Variants in CHN2 observed in about 807,000 individuals in gnomAD.
The protein encoded by CHN2 is chimerin 2, also known as beta-chimaerin.
A neutral mutation model predicts 56.3 loss-of-function variants in CHN2; 35 were observed. That is an observed-to-expected ratio of 0.62 (90% CI 0.47 to 0.82). The LOEUF (loss-of-function observed/expected upper bound fraction) is 0.82. Ranked by LOEUF, CHN2 falls within the 40% of genes least tolerant of loss-of-function variation. CHN2 has a pLI of 0.00. For synonymous variants in CHN2, 210 were observed against 212.8 expected, an observed-to-expected ratio of 0.99 and a Z score of 0.12; for missense variants, 491 against 580.5, an observed-to-expected ratio of 0.85 and a Z score of 1.58.
chr7:29,387,203 C>A (rs991792928), intron 3 of CHN2, among the ~76,000 whole-genome samples: 4 of 116,144 alleles, frequency 3.4e-5, no homozygotes, highest in African/African-American at 1.4e-4. Context: ...GAACCTATTG[C>A]CACGATGGTC....
intron 3 of CHN2, among the ~76,000 whole-genome samples, chr7:29,374,352 T>C (rs528033951): frequency 1.3e-5 from 2 of 152,258 alleles, no homozygotes; most frequent in East Asian, 1.9e-4. Context: ...TTTTGACATA[T>C]GAATTTTTTT....
chr7:29,272,079 TC>T (rs1211390578), intron 1 of CHN2, among the ~76,000 whole-genome samples: 1 of 152,136 alleles, frequency 6.6e-6, no homozygotes, highest in Non-Finnish European at 1.5e-5. Flanking sequence ...ATGTGGCTCT[TC>T]CTGTGGCTTT....
intron 1 of CHN2, among the ~76,000 whole-genome samples, chr7:29,210,245 A>G (rs563831407): frequency 6.6e-6 from 1 of 152,236 alleles, no homozygotes; most frequent in East Asian, 1.9e-4. Context: ...CATTTGTTCC[A>G]GGCACCCAGC....
chr7:29,194,387 AC>A (rs1241109266), upstream of CHN2: 4 of 150,116 alleles, frequency 2.7e-5, no homozygotes, highest in South Asian at 2.1e-4. Context: ...CAGCCGAACC[AC>A]CCCCCGAGCG....
At chr7:29,347,590 A>G (rs1280911255) in intron 1 of CHN2, among the ~76,000 whole-genome samples, 1 of 152,184 alleles carries the variant, frequency 6.6e-6, no homozygotes, top group East Asian at 1.9e-4. Flanking sequence ...TCATCAGAAC[A>G]GCATGGGGGA....
intron 1 of CHN2, chr7:29,212,832 A>G (rs2075726259): frequency 1.2e-6 from 2 of 1,607,632 alleles, no homozygotes; most frequent in Non-Finnish European, 1.7e-6. Flanking sequence ...CCCAGCCACT[A>G]CTCTTCCTAC....
chr7:29,415,876 G>A (rs889095143), intron 6 of CHN2, among the ~76,000 whole-genome samples: 5 of 152,108 alleles, frequency 3.3e-5, no homozygotes, highest in Non-Finnish European at 5.9e-5. Context: ...TTAAAAGCCC[G>A]CCTTTTCCAT....
At chr7:29,229,832 G>A (rs929786917) in intron 1 of CHN2, among the ~76,000 whole-genome samples, 7 of 152,034 alleles carry the variant, frequency 4.6e-5, no homozygotes, top group African/African-American at 1.7e-4. Context: ...CAAAAATTAG[G>A]TGGGCATGGT....
chr7:29,252,074 A>C (rs1788563988), intron 1 of CHN2, among the ~76,000 whole-genome samples: 1 of 152,152 alleles, frequency 6.6e-6, no homozygotes, highest in Non-Finnish European at 1.5e-5. Flanking sequence ...CCACTGTGGC[A>C]AGTTGAATAA....
At chr7:29,509,533 C>T in intron 12 of CHN2, 127 bp downstream of exon 12, 2 of 678,994 alleles carry the variant, frequency 2.9e-6, no homozygotes, top group Admixed American at 4.6e-5. Flanking sequence ...CCACTCCAGG[C>T]ACTTTCAGTG....
chr7:29,374,990 C>T (rs1162853899), intron 3 of CHN2, among the ~76,000 whole-genome samples: 4 of 150,750 alleles, frequency 2.7e-5, no homozygotes, highest in Non-Finnish European at 5.9e-5. Context: ...CAGGTTCAAG[C>T]GATTCTTCTG....
In CHN2 at chr7:29,320,729, T is replaced by C. The variant is rs1022283112; in HGVS notation, c.50-33896T>C. On this transcript the variant is annotated intron_variant, in intron 1 of 12. Transcript: ENST00000222792. ...TCCCTGGGGTTCTGTCCTTGCATGCTTTCTTTCTCTTTGTCCTGGCACTCC... is the reference window on the plus strand; with the variant it reads ...TCCCTGGGGTTCTGTCCTTGCATGCCTTCTTTCTCTTTGTCCTGGCACTCC... 2.6e-4 allele frequency among the ~76,000 whole-genome samples: 39 copies of C among 152,148 alleles called. 1 individual carries two copies. Among genetic ancestry groups the C allele is most frequent in the Admixed American group, 4.6e-4 (7 of 15,286 alleles).
chr7:29,397,634 A>G (rs1189415439), intron 4 of CHN2: 10 of 151,508 alleles, frequency 6.6e-5, no homozygotes, highest in East Asian at 1.9e-4. Flanking sequence ...TCCTGACCCA[A>G]CTCCTACCTC....
intron 1 of CHN2, among the ~76,000 whole-genome samples, chr7:29,316,534 T>C (rs1003536): frequency 0.27 from 40,816 of 152,090 alleles, 5,968 homozygotes; most frequent in East Asian, 0.35. Flanking sequence ...ATCATGCAGG[T>C]TCCTTAGAAA....
At chr7:29,504,959 A>G (rs1343028762) in intron 10 of CHN2, 138 bp downstream of exon 10, 2 of 612,476 alleles carry the variant, frequency 3.3e-6, no homozygotes, top group Non-Finnish European at 5.8e-6. Flanking sequence ...AATGGCTTAC[A>G]AATCTCATGT....
rs1785871209 is a variant in CHN2 at position 29,469,735 on chromosome 7, TG to T, written c.577-10543del. 1.3e-5 allele frequency among the ~76,000 whole-genome samples: 2 copies of T among 152,234 alleles called. 1 individual carries two copies. The highest frequency in any genetic ancestry group is 4.1e-4 in the South Asian group (2 of 4,832). On this transcript the variant is annotated intron_variant, in intron 6 of 12. Transcript: ENST00000222792. ...CCCTCTCACTTCCTATCCTTGTTCT[TG>T]CTTTGTTTTTCTTCATGGTTCCCAA...
At chr7:29,226,158 T>C (rs1264425434) in intron 1 of CHN2, among the ~76,000 whole-genome samples, 1 of 152,236 alleles carries the variant, frequency 6.6e-6, no homozygotes, top group Non-Finnish European at 1.5e-5. Flanking sequence ...TTTTCTCAAT[T>C]GATTGCCTGT....
chr7:29,498,067 C>CA (rs1352333007), intron 8 of CHN2, among the ~76,000 whole-genome samples: 1 of 152,054 alleles, frequency 6.6e-6, no homozygotes, highest in Non-Finnish European at 1.5e-5. Flanking sequence ...CAGAATTTAA[C>CA]AAAAAAATTT....
At chr7:29,289,388 G>A (rs1268878227) in intron 1 of CHN2, among the ~76,000 whole-genome samples, 1 of 152,100 alleles carries the variant, frequency 6.6e-6, no homozygotes, top group Non-Finnish European at 1.5e-5. Context: ...TGCTTGGGAG[G>A]CTTCTTGGTT....
Sources: allele counts gnomAD v4.1 joint callset (sites outside exome capture counted in the v4.1 genomes callset), GRCh38; gene constraint gnomAD v4.1.1; transcripts MANE v1.5; gene names NCBI Gene and HGNC (gene_info 2026-07-23, HGNC 2026-07-21).